Variants in CFDP1 observed in about 807,000 individuals in gnomAD.
CFDP1 encodes the protein chromatin remodeling protein CFDP1, also known as heterochromatin-stabilizing protein CFDP1.
A neutral mutation model predicts 40.1 loss-of-function variants in CFDP1; 31 were observed. The ratio of observed to expected loss-of-function variants is 0.77; its 90% CI spans 0.58 to 1.04. The LOEUF (loss-of-function observed/expected upper bound fraction) is 1.04, where lower values mean the gene tolerates loss of function less well. CFDP1 is among the 50% of genes least tolerant of loss of function. The pLI is 0.00. For missense variants in CFDP1, 423 were observed against 343.4 expected, an observed-to-expected ratio of 1.23 and a Z score of -1.83; for synonymous variants, 167 against 120.0, an observed-to-expected ratio of 1.39 and a Z score of -2.56.
At chr16:75,428,406 G>T (rs1180633945) in intron 1 of CFDP1, among the ~76,000 whole-genome samples, 1 of 152,058 alleles carries the variant, frequency 6.6e-6, no homozygotes, top group Non-Finnish European at 1.5e-5. Flanking sequence ...ACAAGGTCAG[G>T]AGATCGAGAC....
At chr16:75,304,738 T>C (rs1354916550) in intron 6 of CFDP1, among the ~76,000 whole-genome samples, 1 of 152,188 alleles carries the variant, frequency 6.6e-6, no homozygotes, top group Non-Finnish European at 1.5e-5. Context: ...CTAGGCAACT[T>C]ACAGTTCACT....
At chr16:75,388,045 AGCAGTG>A (rs1465679980) in intron 5 of CFDP1, among the ~76,000 whole-genome samples, 1 of 152,216 alleles carries the variant, frequency 6.6e-6, no homozygotes, top group Non-Finnish European at 1.5e-5. Flanking sequence ...AATAAGAGCG[AGCAGTG>A]GCAATGGCAA....
At chr16:75,430,346 TC>T (rs2079396995) in intron 1 of CFDP1, among the ~76,000 whole-genome samples, 1 of 152,084 alleles carries the variant, frequency 6.6e-6, no homozygotes, top group African/African-American at 2.4e-5. Context: ...TTTTTTTATA[TC>T]TTTAGTACAG....
chr16:75,358,792 T>A (rs1433973378), intron 5 of CFDP1, among the ~76,000 whole-genome samples: 6 of 152,156 alleles, frequency 3.9e-5, no homozygotes, highest in African/African-American at 1.4e-4. Flanking sequence ...GCTTTAGAAT[T>A]TTGGAAAACT....
intron 5 of CFDP1, among the ~76,000 whole-genome samples, chr16:75,330,370 T>G (rs1760887388): frequency 6.6e-6 from 1 of 152,214 alleles, no homozygotes; most frequent in African/African-American, 2.4e-5. Flanking sequence ...GTGGATCACT[T>G]GAGGTCAGGA....
intron 5 of CFDP1, among the ~76,000 whole-genome samples, chr16:75,361,984 T>C (rs1024662477): frequency 1.3e-5 from 2 of 152,132 alleles, no homozygotes; most frequent in Admixed American, 1.3e-4. Context: ...ATAATTCCCA[T>C]ACCTACAGGA....
intron 4 of CFDP1, among the ~76,000 whole-genome samples, chr16:75,399,806 A>T (rs1185907937): frequency 6.6e-6 from 1 of 152,132 alleles, no homozygotes; most frequent in Non-Finnish European, 1.5e-5. Flanking sequence ...CTCTACAAAA[A>T]ATTTTTTAAA....
chr16:75,369,890 C>G (rs532533598), intron 5 of CFDP1, among the ~76,000 whole-genome samples: 28 of 151,776 alleles, frequency 1.8e-4, no homozygotes, highest in African/African-American at 5.8e-4. Context: ...TCCCCAGTGG[C>G]TGGAACTACA....
At chr16:75,424,587 C>A (rs1156625981) in intron 1 of CFDP1, among the ~76,000 whole-genome samples, 1 of 152,066 alleles carries the variant, frequency 6.6e-6, no homozygotes, top group Non-Finnish European at 1.5e-5. Flanking sequence ...AACCCAGTCT[C>A]TACTAAAAAT....
intron 5 of CFDP1, among the ~76,000 whole-genome samples, chr16:75,331,704 G>GTATCATGGGTTA (rs1002345143): frequency 2.0e-5 from 3 of 152,000 alleles, no homozygotes; most frequent in African/African-American, 4.8e-5. Flanking sequence ...CATGTTGTGT[G>GTATCATGGGTTA]TTCCTTGTTA....
At chr16:75,362,102 C>T (rs1479048132) in intron 5 of CFDP1, among the ~76,000 whole-genome samples, 1 of 151,608 alleles carries the variant, frequency 6.6e-6, no homozygotes, top group Non-Finnish European at 1.5e-5. Context: ...TCCTAGACTG[C>T]ATGATCTACA....
chr16:75,429,846 C>G (rs766190964), intron 1 of CFDP1, among the ~76,000 whole-genome samples: 46 of 152,174 alleles, frequency 3.0e-4, no homozygotes, highest in Non-Finnish European at 5.4e-4. Context: ...AAACTCTTGT[C>G]AAGTATTTGA....
At chr16:75,395,269 G>C (rs2151564590) in intron 4 of CFDP1, 60 bp from the exon 5 acceptor site, 1 of 1,570,564 alleles carries the variant, frequency 6.4e-7, no homozygotes, top group South Asian at 1.1e-5. Flanking sequence ...AAACAAGCTA[G>C]AAAAGGGAAT....
At chr16:75,408,671 G>A (rs867218121) in intron 4 of CFDP1, among the ~76,000 whole-genome samples, 56 of 151,654 alleles carry the variant, frequency 3.7e-4, no homozygotes, top group African/African-American at 1.3e-3. Context: ...AGCCACTCGG[G>A]AGCCTGAGGC....
intron 5 of CFDP1, among the ~76,000 whole-genome samples, chr16:75,376,453 G>T (rs558510684): frequency 6.6e-6 from 1 of 152,122 alleles, no homozygotes; most frequent in Non-Finnish European, 1.5e-5. Flanking sequence ...TCAAATACAT[G>T]TTCTTTCACT....
chr16:75,300,018 G>A (rs1227637484), intron 6 of CFDP1, among the ~76,000 whole-genome samples: 1 of 152,096 alleles, frequency 6.6e-6, no homozygotes, highest in East Asian at 1.9e-4. Flanking sequence ...GGGAGGGCCT[G>A]GTTAACACTG....
chr16:75,334,885 G>A (rs1219677357), intron 5 of CFDP1, among the ~76,000 whole-genome samples: 2 of 152,010 alleles, frequency 1.3e-5, no homozygotes, highest in African/African-American at 2.4e-5. Context: ...AACCCCGGAG[G>A]TGGAGGTTGC....
At chr16:75,367,332 T>C (rs1486162732) in intron 5 of CFDP1, among the ~76,000 whole-genome samples, 5 of 151,270 alleles carry the variant, frequency 3.3e-5, no homozygotes, top group East Asian at 1.9e-4. Flanking sequence ...CTGGGTTTAA[T>C]ACCTAGGTGG....
intron 5 of CFDP1, among the ~76,000 whole-genome samples, chr16:75,368,112 A>G (rs577441370): frequency 1.3e-5 from 2 of 152,156 alleles, no homozygotes; most frequent in Admixed American, 6.5e-5. Flanking sequence ...ATAAAACAAA[A>G]AGATTTAACG....
Sources: allele counts gnomAD v4.1 joint callset (sites outside exome capture counted in the v4.1 genomes callset), GRCh38; gene constraint gnomAD v4.1.1; transcripts MANE v1.5; gene names NCBI Gene and HGNC (gene_info 2026-07-23, HGNC 2026-07-21).